Variants in CNTN4 observed in about 807,000 individuals in gnomAD.
CNTN4 encodes the protein contactin-4.
CNTN4 carries 77 observed loss-of-function variants against 122.5 expected under a neutral mutation model. That is an observed-to-expected ratio of 0.63 (90% CI 0.52 to 0.76). CNTN4 has a LOEUF of 0.76. Ranked by LOEUF, CNTN4 falls within the 30% of genes least tolerant of loss-of-function variation. The probability of loss-of-function intolerance (pLI) is 0.00; values close to 1 mark genes in which losing one functional copy is unlikely to be tolerated. For missense variants in CNTN4, 1,256 were observed against 1,259.1 expected, an observed-to-expected ratio of 1.00 and a Z score of 0.04; for synonymous variants, 512 against 447.0, an observed-to-expected ratio of 1.15 and a Z score of -1.83.
intron 4 of CNTN4, among the ~76,000 whole-genome samples, chr3:2,708,661 G>T (rs374530328): frequency 2.0e-5 from 3 of 152,002 alleles, no homozygotes; most frequent in African/African-American, 7.3e-5. Flanking sequence ...GTACTTCCTA[G>T]AGAGGCAATC....
At chr3:2,532,791 T>C (rs1316286785) in intron 3 of CNTN4, among the ~76,000 whole-genome samples, 1 of 152,146 alleles carries the variant, frequency 6.6e-6, no homozygotes, top group Admixed American at 6.6e-5. Flanking sequence ...TAAGATTATA[T>C]TTTGATAGAA....
chr3:2,552,576 T>C (rs1288441302), intron 3 of CNTN4, among the ~76,000 whole-genome samples: 1 of 152,180 alleles, frequency 6.6e-6, no homozygotes, highest in Non-Finnish European at 1.5e-5. Flanking sequence ...ATTTGACAAG[T>C]AGCACTGGAA....
chr3:2,674,585 C>G (rs538531476), intron 4 of CNTN4, among the ~76,000 whole-genome samples: 1 of 152,108 alleles, frequency 6.6e-6, no homozygotes, highest in Non-Finnish European at 1.5e-5. Flanking sequence ...GGTGAAATCT[C>G]GTCTCTATTA....
At chr3:3,049,360 G>A (rs1701024924) in intron 23 of CNTN4, among the ~76,000 whole-genome samples, 1 of 152,230 alleles carries the variant, frequency 6.6e-6, no homozygotes, top group South Asian at 2.1e-4. Flanking sequence ...TGGGATTACA[G>A]GCATGAGCCA....
At chr3:2,309,683 A>C (rs1421045872) in intron 2 of CNTN4, among the ~76,000 whole-genome samples, 1 of 152,158 alleles carries the variant, frequency 6.6e-6, no homozygotes, top group African/African-American at 2.4e-5. Context: ...ATGAGTGGAA[A>C]TCAGAATTTT....
At chr3:2,859,251 G>A (rs764630573) in intron 7 of CNTN4, among the ~76,000 whole-genome samples, 1 of 152,098 alleles carries the variant, frequency 6.6e-6, no homozygotes, top group Non-Finnish European at 1.5e-5. Context: ...TTATTTTTAT[G>A]GCTAGATACT....
At position 2,518,581 on chromosome 3, in the gene CNTN4, G is replaced by A. The variant is rs1291213602; in HGVS notation, c.-88-52835G>A. 1.3e-5 allele frequency among the ~76,000 whole-genome samples: 2 copies of A among 151,898 alleles called. 1 individual carries two copies. Among genetic ancestry groups the A allele is most frequent in the Non-Finnish European group, 2.9e-5 (2 of 67,968 alleles). On this transcript the variant is annotated intron_variant, in intron 3 of 24. Coordinates refer to ENST00000418658, the MANE Select transcript of CNTN4 (RefSeq NM_175607.3). Reference sequence around the variant, plus strand: ...CTCAAGGTATGAAATAAATACCTCTGGTAGAATGTTTGATAATCTCAGAGT... The same window carrying A: ...CTCAAGGTATGAAATAAATACCTCTAGTAGAATGTTTGATAATCTCAGAGT...
intron 4 of CNTN4, among the ~76,000 whole-genome samples, chr3:2,637,362 A>C (rs1379293238): frequency 1.3e-5 from 2 of 152,190 alleles, no homozygotes; most frequent in Non-Finnish European, 2.9e-5. Context: ...TAAAAGCAAA[A>C]TGGATTCTGA....
intron 3 of CNTN4, among the ~76,000 whole-genome samples, chr3:2,571,127 G>A (rs951766948): frequency 1.3e-5 from 2 of 152,038 alleles, no homozygotes; most frequent in African/African-American, 2.4e-5. Context: ...GCAAAGCATA[G>A]TGCATTCCCC....
intron 3 of CNTN4, among the ~76,000 whole-genome samples, chr3:2,448,289 A>G (rs932896731): frequency 6.6e-6 from 1 of 152,304 alleles, no homozygotes. Context: ...AATCTGGGTG[A>G]TCTGTGATTC....
chr3:2,585,509 A>AT (rs2149602643), intron 4 of CNTN4, among the ~76,000 whole-genome samples: 1 of 152,296 alleles, frequency 6.6e-6, no homozygotes, highest in Non-Finnish European at 1.5e-5. Flanking sequence ...CTATGCAGCC[A>AT]TAAAAAATGA....
At chr3:2,715,817 C>G (rs940318790) in intron 4 of CNTN4, among the ~76,000 whole-genome samples, 1 of 152,154 alleles carries the variant, frequency 6.6e-6, no homozygotes, top group Non-Finnish European at 1.5e-5. Context: ...GACAAAGGCT[C>G]TACCCCATGG....
At chr3:2,415,547 A>G (rs2047380483) in intron 3 of CNTN4, among the ~76,000 whole-genome samples, 1 of 152,222 alleles carries the variant, frequency 6.6e-6, no homozygotes, top group Non-Finnish European at 1.5e-5. Context: ...AAGAAAATGT[A>G]TTAAACGTAC....
chr3:2,202,849 T>C (rs1295148771), intron 2 of CNTN4, among the ~76,000 whole-genome samples: 1 of 151,706 alleles, frequency 6.6e-6, no homozygotes, highest in Non-Finnish European at 1.5e-5. Flanking sequence ...TTTGAGATGG[T>C]GTCTTACTCT....
chr3:2,839,007 A>G (rs2093293292), intron 7 of CNTN4, among the ~76,000 whole-genome samples: 1 of 152,180 alleles, frequency 6.6e-6, no homozygotes, highest in Non-Finnish European at 1.5e-5. Context: ...GTTCCTGGAA[A>G]TACTGAATGA....
intron 10 of CNTN4, among the ~76,000 whole-genome samples, chr3:2,888,896 G>T (rs2094007058): frequency 6.6e-6 from 1 of 152,046 alleles, no homozygotes; most frequent in East Asian, 1.9e-4. Flanking sequence ...TGTTCCCTTT[G>T]CTCCTCCTTG....
chr3:2,350,593 G>A (rs1258072083), intron 3 of CNTN4, among the ~76,000 whole-genome samples: 1 of 152,110 alleles, frequency 6.6e-6, no homozygotes, highest in Non-Finnish European at 1.5e-5. Flanking sequence ...TAGAATTCTA[G>A]GAGTGGTTCT....
chr3:2,909,210 C>A (rs953973090), intron 12 of CNTN4, among the ~76,000 whole-genome samples: 3 of 152,156 alleles, frequency 2.0e-5, no homozygotes, highest in Non-Finnish European at 2.9e-5. Flanking sequence ...CAACTGCAGT[C>A]ATCCAGGCAA....
intron 14 of CNTN4, among the ~76,000 whole-genome samples, chr3:3,015,095 A>T (rs2125542570): frequency 6.6e-6 from 1 of 152,244 alleles, no homozygotes; most frequent in South Asian, 2.1e-4. Flanking sequence ...TCAGATTTTC[A>T]TTCTCCCTCC....
Sources: allele counts gnomAD v4.1 joint callset (sites outside exome capture counted in the v4.1 genomes callset), GRCh38; gene constraint gnomAD v4.1.1; transcripts MANE v1.5; gene names NCBI Gene and HGNC (gene_info 2026-07-23, HGNC 2026-07-21).